The following UGT2A1 variants were observed in gnomAD, a reference collection of about 807,000 sequenced individuals.
The protein encoded by UGT2A1 is UDP glucuronosyltransferase family 2 member A1 complex locus.
A neutral mutation model predicts 45.4 loss-of-function variants in UGT2A1; 61 were observed. That is an observed-to-expected ratio of 1.34 (90% CI 1.09 to 1.66). The LOEUF (loss-of-function observed/expected upper bound fraction) is 1.66. Ranked by LOEUF, UGT2A1 falls within the 40% of genes most tolerant of loss-of-function variation. The pLI, the probability that UGT2A1 is intolerant of heterozygous loss-of-function variation, is 0.00. For missense variants in UGT2A1, 649 were observed against 574.3 expected, an observed-to-expected ratio of 1.13 and a Z score of -1.33; for synonymous variants, 229 against 196.2, an observed-to-expected ratio of 1.17 and a Z score of -1.40.
At chr4:69,652,630 C>T (rs1326773626) in intron 1 of UGT2A1, among the ~76,000 whole-genome samples, 10 of 151,752 alleles carry the variant, frequency 6.6e-5, no homozygotes, top group Non-Finnish European at 1.0e-4. Context: ...TGATTTATAG[C>T]ATAAAACATT....
chr4:69,594,683 G>A lies in UGT2A1; in HGVS notation c.1098C>T (p.Thr366=), dbSNP rs750500169. Residue 366 remains threonine, a synonymous_variant, in exon 6 of 7, where the codon ACC becomes ACT. Transcript: ENST00000286604. ...PQNDLLGHPK[T]KAFITHGGTN... ...TTCCACCATGAGTGATAAAAGCTTT[G>A]GTTTTGGGATGTCCTAATTTGAGGA... 31 of 1,613,418 alleles carry A rather than the reference G, an allele frequency of 1.9e-5. No individual in the cohort carries two copies. The highest frequency in any genetic ancestry group is 2.5e-5 in the Non-Finnish European group (29 of 1,179,742).
At chr4:69,635,850 AG>A (rs1407625794) in intron 2 of UGT2A1, 28 bp from the exon 3 acceptor site, 4,218 of 107,682 alleles carry the variant, frequency 0.039, 168 homozygotes, top group African/African-American at 0.1. Flanking sequence ...AAAAAAAAAA[AG>A]AGAGAGAGAG....
At chr4:69,599,931 C>T (rs1192755997) in intron 3 of UGT2A1, among the ~76,000 whole-genome samples, 1 of 152,188 alleles carries the variant, frequency 6.6e-6, no homozygotes, top group Admixed American at 6.5e-5. Context: ...TAAGTTTCTT[C>T]CCCAGGACAG....
intron 2 of UGT2A1, among the ~76,000 whole-genome samples, chr4:69,642,451 G>T (rs1415640002): frequency 6.6e-6 from 1 of 151,138 alleles, no homozygotes; most frequent in Non-Finnish European, 1.5e-5. Flanking sequence ...AAGAGAAAAA[G>T]AAAAAAAGGA....
In UGT2A1 at chr4:69,625,613, T is replaced by C. The variant is rs369598789; in HGVS notation, c.847+10078A>G. 3.8e-4 allele frequency among the ~76,000 whole-genome samples: 58 copies of C among 151,558 alleles called. No homozygotes were observed. The East Asian group carries it at 8.3e-3, about 22-fold the overall frequency. Reference sequence around the variant, plus strand: ...TGGTAGTTTAATGTGGGCTTGTTTATAGAAATTTTATTTTTCTCATTATAT... The same window carrying C: ...TGGTAGTTTAATGTGGGCTTGTTTACAGAAATTTTATTTTTCTCATTATAT... On this transcript the variant is annotated intron_variant, in intron 3 of 6. Transcript: ENST00000286604.
rs915674665 is a variant in UGT2A1 at position 69,618,257 on chromosome 4, G to A, written c.847+17434C>T. ...TGTGTGTATGTGTGTGTTGAAGGGG[G>A]AAGAATGTATTACATTTGGTAAGTC... On this transcript the variant is annotated intron_variant, in intron 3 of 6. Transcript: ENST00000286604. 9.3e-5 allele frequency among the ~76,000 whole-genome samples: 14 copies of A among 150,130 alleles called. No homozygotes were observed. The South Asian group carries it at 2.9e-3, about 32-fold the overall frequency.
chr4:69,595,659 T>C (rs1718880618), intron 4 of UGT2A1, among the ~76,000 whole-genome samples: 1 of 152,036 alleles, frequency 6.6e-6, no homozygotes, highest in African/African-American at 2.4e-5. Flanking sequence ...AAATGCAAAA[T>C]TGTAGAGATA....
rs763438079 is a variant in UGT2A1, at chr4:69,638,936, G to C, written c.716-3114C>G. The C allele has an allele frequency of 3.7e-6, 6 of 1,611,006 alleles. No homozygotes were observed. The South Asian group carries it at 6.6e-5, about 18-fold the overall frequency. ...TATAGTATGAATTCCATTCTCCCCA[G>C]TAGGACTGAAATATATAGTCTTGCA... On this transcript the variant is annotated intron_variant, in intron 2 of 6. Coordinates refer to ENST00000286604, the MANE Select transcript of UGT2A1 (RefSeq NM_001252275.3).
At chr4:69,618,968 A>G (rs958181455) in intron 3 of UGT2A1, among the ~76,000 whole-genome samples, 1 of 151,946 alleles carries the variant, frequency 6.6e-6, no homozygotes, top group Non-Finnish European at 1.5e-5. Context: ...ACTTTAAATT[A>G]ATGTTGAATT....
intron 2 of UGT2A1, chr4:69,638,807 G>A: frequency 1.4e-6 from 2 of 1,405,470 alleles, no homozygotes; most frequent in African/African-American, 1.5e-5. Flanking sequence ...CTTCAGCTCA[G>A]CATATGCAGT....
Position 69,589,470 on chromosome 4 carries a change from G to T in UGT2A1, c.1486C>A (p.Leu496Met), listed in dbSNP as rs945149629. Residue 496 changes from leucine (L) to methionine (M), a missense_variant, in exon 7 of 7, where the codon CTG (leucine) becomes ATG (methionine). Transcript: ENST00000286604. ...AATATAGCCGTTGTCACACAGACCA[G>T]CAAGAACCCAATTACATCCAAAGAG... ...YHSLDVIGFL[L>M]VCVTTAIFLV... 8.1e-6 allele frequency: 13 copies of T among 1,613,990 alleles called. No homozygotes were observed. In the African/African-American group the frequency reaches 1.7e-4, roughly 22 times the overall value.
chr4:69,601,014 T>C (rs188863323), intron 3 of UGT2A1, among the ~76,000 whole-genome samples: 35 of 152,262 alleles, frequency 2.3e-4, no homozygotes, highest in Middle Eastern at 6.8e-3. Flanking sequence ...GGAAGGCTTA[T>C]GACCTGGGGC....
chr4:69,642,395 A>G (rs759046765), intron 2 of UGT2A1, among the ~76,000 whole-genome samples: 1 of 151,828 alleles, frequency 6.6e-6, no homozygotes, highest in East Asian at 1.9e-4. Context: ...ACAGAAAAAG[A>G]AGAAGGAAGG....
intron 3 of UGT2A1, among the ~76,000 whole-genome samples, chr4:69,634,461 C>T (rs1474866334): frequency 6.6e-6 from 1 of 151,722 alleles, no homozygotes; most frequent in Non-Finnish European, 1.5e-5. Context: ...ACACTGGGCC[C>T]AGAAAAGAAA....
intron 3 of UGT2A1, among the ~76,000 whole-genome samples, chr4:69,602,890 A>G (rs1375381694): frequency 7.4e-6 from 1 of 134,306 alleles, no homozygotes; most frequent in East Asian, 2.1e-4. Flanking sequence ...AGATGGTGAA[A>G]CCCCGTCTCT....
chr4:69,615,708 C>G (rs1410670690), intron 3 of UGT2A1, among the ~76,000 whole-genome samples: 4 of 151,782 alleles, frequency 2.6e-5, no homozygotes, highest in African/African-American at 9.7e-5. Flanking sequence ...CCTGACCCCG[C>G]CGCAAAAACA....
At chr4:69,599,057 A>C (rs183320475) in intron 4 of UGT2A1, among the ~76,000 whole-genome samples, 189 bp downstream of exon 4, 11 of 152,296 alleles carry the variant, frequency 7.2e-5, no homozygotes, top group Admixed American at 6.5e-4. Flanking sequence ...TCTTCAGTTT[A>C]AATTGTCAAT....
At chr4:69,648,018 G>A (rs1000345511) in intron 1 of UGT2A1, among the ~76,000 whole-genome samples, 1 of 151,564 alleles carries the variant, frequency 6.6e-6, no homozygotes, top group African/African-American at 2.4e-5. Context: ...TCAGGCCTAG[G>A]TATTGAAACC....
chr4:69,620,048 G>A (rs1337482798), intron 3 of UGT2A1, among the ~76,000 whole-genome samples: 1 of 152,050 alleles, frequency 6.6e-6, no homozygotes, highest in Non-Finnish European at 1.5e-5. Context: ...GGGAAAAGCT[G>A]TAAGCATTTT....
Sources: gnomAD v4.1 joint callset for allele counts (sites outside exome capture counted in the v4.1 genomes callset) on GRCh38, gnomAD v4.1.1 for gene constraint, MANE v1.5 for transcripts, NCBI Gene and HGNC (gene_info 2026-07-23, HGNC 2026-07-21) for gene names.